The following TAB2 variants were observed in gnomAD, a reference collection of about 807,000 sequenced individuals.
The protein encoded by TAB2 is TGF-beta activated kinase 1 (MAP3K7) binding protein 2.
Under a neutral mutation model 65.0 loss-of-function variants are expected in TAB2, and 3 were observed. The observed-to-expected ratio is 0.05, with a 90% CI of 0.02 to 0.12. TAB2 has a LOEUF of 0.12. TAB2 is among the 10% of genes least tolerant of loss of function. TAB2 has a pLI of 1.00. For missense variants in TAB2, 623 were observed against 840.3 expected (o/e 0.74, Z 3.20); for synonymous variants, 298 against 285.1 (o/e 1.05, Z -0.46).
At chr6:149,242,225 T>G (rs1268589813) in intron 1 of TAB2, among the ~76,000 whole-genome samples, 1 of 152,200 alleles carries the variant, frequency 6.6e-6, no homozygotes, top group Non-Finnish European at 1.5e-5. Flanking sequence ...CTAGCTGTAT[T>G]GGTTTCATGG....
At chr6:149,408,878 G>A (rs190914079) in intron 6 of TAB2, among the ~76,000 whole-genome samples, 1 of 152,190 alleles carries the variant, frequency 6.6e-6, no homozygotes, top group South Asian at 2.1e-4. Flanking sequence ...GACCTAGAAT[G>A]TATATGATTT....
chr6:149,251,793 T>C (rs1395971042), intron 1 of TAB2, among the ~76,000 whole-genome samples: 1 of 152,222 alleles, frequency 6.6e-6, no homozygotes, highest in African/African-American at 2.4e-5. Flanking sequence ...TGTTAAAACA[T>C]GTACCATATT....
chr6:149,288,597 G>T (rs896099151), intron 1 of TAB2, among the ~76,000 whole-genome samples: 9 of 152,150 alleles, frequency 5.9e-5, no homozygotes, highest in Non-Finnish European at 1.2e-4. Context: ...TTAGTGAAAA[G>T]CTTAACTCCA....
At chr6:149,355,482 G>A (rs924414583) in intron 1 of TAB2, among the ~76,000 whole-genome samples, 2 of 151,826 alleles carry the variant, frequency 1.3e-5, no homozygotes, top group East Asian at 1.9e-4. Context: ...CCTGGCCAAC[G>A]TGGAGAAACC....
chr6:149,225,848 A>G (rs1022694120), intron 1 of TAB2, among the ~76,000 whole-genome samples: 1 of 151,956 alleles, frequency 6.6e-6, no homozygotes, highest in African/African-American at 2.4e-5. Flanking sequence ...CATTTCAAGT[A>G]TTCCAAAAAC....
intron 1 of TAB2, among the ~76,000 whole-genome samples, chr6:149,333,267 C>G (rs771400260): frequency 2.0e-5 from 3 of 152,174 alleles, no homozygotes; most frequent in Non-Finnish European, 4.4e-5. Context: ...AGAGATTGCA[C>G]CCATACATAG....
intron 6 of TAB2, among the ~76,000 whole-genome samples, chr6:149,400,075 C>T (rs1024128824): frequency 6.6e-6 from 1 of 152,192 alleles, no homozygotes; most frequent in Non-Finnish European, 1.5e-5. Context: ...GTCAAATAGA[C>T]AGGAAGCAAC....
chr6:149,398,114 A>C (rs761884490), intron 5 of TAB2, 52 bp downstream of exon 5: 1 of 1,490,570 alleles, frequency 6.7e-7, no homozygotes, highest in African/African-American at 1.4e-5. Context: ...ATTCACCAGC[A>C]GTTTTTCTGT....
At chr6:149,287,835 C>T (rs1185122937) in intron 1 of TAB2, among the ~76,000 whole-genome samples, 3 of 152,178 alleles carry the variant, frequency 2.0e-5, no homozygotes, top group Non-Finnish European at 4.4e-5. Context: ...GCCCTAAGCA[C>T]CTATGCATGG....
chr6:149,331,953 A>C (rs1286690190), intron 1 of TAB2, among the ~76,000 whole-genome samples: 1 of 152,192 alleles, frequency 6.6e-6, no homozygotes, highest in Non-Finnish European at 1.5e-5. Context: ...GGACCAGGAC[A>C]GTAATAGGAA....
chr6:149,342,937 G>C (rs1780174366), intron 1 of TAB2: 1 of 152,076 alleles, frequency 6.6e-6, no homozygotes, highest in African/African-American at 2.4e-5. Flanking sequence ...TAGTCATCTT[G>C]CTTTAAAGTA....
chr6:149,335,998 T>G (rs957909567), intron 1 of TAB2, among the ~76,000 whole-genome samples: 3 of 152,116 alleles, frequency 2.0e-5, no homozygotes, highest in Non-Finnish European at 2.9e-5. Context: ...CTCCCCCACT[T>G]TTACCCTGCA....
At chr6:149,305,726 T>C (rs972315207) in intron 1 of TAB2, among the ~76,000 whole-genome samples, 27 of 152,344 alleles carry the variant, frequency 1.8e-4, no homozygotes, top group African/African-American at 5.8e-4. Flanking sequence ...AATGCTATAG[T>C]AGCTGAAACT....
rs550321773 is a variant in TAB2, at chr6:149,242,155, G to A, written c.-121+23379G>A. Among the ~76,000 whole-genome samples, 6 of 152,294 alleles carry A rather than the reference G, an allele frequency of 3.9e-5. No individual in the cohort carries two copies. The South Asian group carries it at 1.2e-3, about 32-fold the overall frequency. On this transcript the variant is annotated intron_variant, in intron 1 of 1. Transcript: ENST00000606202. ...ATATGTGTATTGAAACAATGCTCTT[G>A]TAAAGAACATGCCTAAACTAAGGGA...
upstream of TAB2, among the ~76,000 whole-genome samples, chr6:149,316,725 GCTTCTAGGA>G (rs1463437815): frequency 2.0e-5 from 3 of 152,036 alleles, no homozygotes; most frequent in Non-Finnish European, 2.9e-5. Context: ...CTTTGGCTCT[GCTTCTAGGA>G]CTTCTAGGAA....
chr6:149,308,455 G>A (rs1386918828), intron 1 of TAB2, among the ~76,000 whole-genome samples: 1 of 151,980 alleles, frequency 6.6e-6, no homozygotes, highest in Non-Finnish European at 1.5e-5. Context: ...TGACTATAGA[G>A]ATTGAATTTA....
intron 6 of TAB2, among the ~76,000 whole-genome samples, chr6:149,407,159 A>T (rs899568078): frequency 1.3e-5 from 2 of 152,268 alleles, no homozygotes; most frequent in South Asian, 4.1e-4. Flanking sequence ...GCAAATGTTC[A>T]GAGACTAGAT....
chr6:149,408,923 G>A (rs1359442465), intron 6 of TAB2, among the ~76,000 whole-genome samples: 1 of 152,170 alleles, frequency 6.6e-6, no homozygotes, highest in Non-Finnish European at 1.5e-5. Flanking sequence ...TCAGGAATTA[G>A]TAGCAGAGCC....
chr6:149,293,779 A>G (rs1304584340), intron 1 of TAB2, among the ~76,000 whole-genome samples: 1 of 152,128 alleles, frequency 6.6e-6, no homozygotes, highest in Non-Finnish European at 1.5e-5. Context: ...AGATAATACA[A>G]CCTCATTTAC....
Sources: allele counts gnomAD v4.1 joint callset (sites outside exome capture counted in the v4.1 genomes callset), GRCh38; gene constraint gnomAD v4.1.1; transcripts MANE v1.5; gene names NCBI Gene and HGNC (gene_info 2026-07-23, HGNC 2026-07-21).